The following MAPKAP1 variants were observed in gnomAD, a reference collection of about 807,000 sequenced individuals.
MAPKAP1 encodes target of rapamycin complex 2 subunit MAPKAP1.
In MAPKAP1, 20 loss-of-function variants were observed where a neutral mutation model predicts 65.7. The ratio of observed to expected loss-of-function variants is 0.30; its 90% CI spans 0.21 to 0.44. The LOEUF is 0.44. MAPKAP1 is among the 20% of genes least tolerant of loss of function. The probability of loss-of-function intolerance (pLI) is 1.00; values close to 1 mark genes in which losing one functional copy is unlikely to be tolerated. For synonymous variants in MAPKAP1, 222 were observed against 244.3 expected (o/e 0.91, Z 0.85); for missense variants, 423 against 648.0 (o/e 0.65, Z 3.77).
At chr9:125,639,172 C>T (rs905973056) in intron 4 of MAPKAP1, among the ~76,000 whole-genome samples, 5 of 152,122 alleles carry the variant, frequency 3.3e-5, no homozygotes, top group African/African-American at 4.8e-5. Flanking sequence ...ACCCAGGAGG[C>T]GGAGGCTGCA....
chr9:125,477,665 C>T (rs1854160452), intron 9 of MAPKAP1, among the ~76,000 whole-genome samples: 1 of 152,192 alleles, frequency 6.6e-6, no homozygotes, highest in African/African-American at 2.4e-5. Context: ...TGTAATTTAG[C>T]TTCTGCCAGC....
intron 4 of MAPKAP1, among the ~76,000 whole-genome samples, chr9:125,649,798 C>CAA (rs35503728): frequency 4.7e-4 from 36 of 76,168 alleles, no homozygotes; most frequent in East Asian, 3.5e-3. Flanking sequence ...AACTCCGTCT[C>CAA]AAAAAAAAAA....
At chr9:125,628,549 C>T (rs1362776201) in intron 4 of MAPKAP1, among the ~76,000 whole-genome samples, 1 of 152,138 alleles carries the variant, frequency 6.6e-6, no homozygotes, top group African/African-American at 2.4e-5. Flanking sequence ...TGAATCCTTA[C>T]ACCACAGACA....
At chr9:125,566,543 C>T (rs1352162976) in intron 5 of MAPKAP1, among the ~76,000 whole-genome samples, 3 of 150,968 alleles carry the variant, frequency 2.0e-5, no homozygotes, top group Non-Finnish European at 4.4e-5. Flanking sequence ...GCATGGGCAA[C>T]AGAGTGAGAC....
chr9:125,543,377 C>T (rs1830314471), intron 6 of MAPKAP1, among the ~76,000 whole-genome samples: 3 of 152,018 alleles, frequency 2.0e-5, no homozygotes. Context: ...CACCATTCTC[C>T]TGCCTCAGCC....
chr9:125,463,025 A>C (rs1299706369), intron 10 of MAPKAP1, among the ~76,000 whole-genome samples: 2 of 152,220 alleles, frequency 1.3e-5, no homozygotes, highest in Non-Finnish European at 2.9e-5. Context: ...GTTCAGCTCT[A>C]ATATCTCCTC....
intron 8 of MAPKAP1, among the ~76,000 whole-genome samples, chr9:125,501,917 A>G (rs372182831): frequency 6.6e-6 from 1 of 151,792 alleles, no homozygotes; most frequent in East Asian, 1.9e-4. Context: ...TGTCCATTTC[A>G]TTGGAAGTGT....
chr9:125,689,458 A>AC (rs1835096810), intron 1 of MAPKAP1, among the ~76,000 whole-genome samples: 1 of 146,180 alleles, frequency 6.8e-6, no homozygotes. Context: ...AAAAAAAAAA[A>AC]AAAACAGGCC....
At chr9:125,666,986 T>C (rs943761282) in intron 3 of MAPKAP1, among the ~76,000 whole-genome samples, 2 of 152,102 alleles carry the variant, frequency 1.3e-5, no homozygotes, top group African/African-American at 2.4e-5. Flanking sequence ...AACATACACA[T>C]TGAAGAGCTT....
intron 10 of MAPKAP1, among the ~76,000 whole-genome samples, chr9:125,452,728 C>T (rs1185251129): frequency 1.3e-5 from 2 of 151,946 alleles, no homozygotes; most frequent in African/African-American, 2.4e-5. Context: ...CCTGTCTCTA[C>T]TAAAAATACA....
rs1260599298 is a variant in MAPKAP1 at position 125,595,812 on chromosome 9, C to A, written c.499-10085G>T. On this transcript the variant is annotated intron_variant, in intron 4 of 11. Coordinates refer to ENST00000265960, the MANE Select transcript of MAPKAP1 (RefSeq NM_001006617.3). The surrounding 1 kb of genome is among the most constrained non-coding windows in gnomAD (Gnocchi z 4.0). ...CCAGACTGTGTGGTAATGAAAGATT[C>A]CAACACCAAGCGTTCCGGGGGTTTT... 2 of 1,138,118 alleles carry A rather than the reference C, an allele frequency of 1.8e-6. No individual in the cohort carries two copies. The highest frequency in any genetic ancestry group is 1.5e-5 in the African/African-American group (1 of 65,986). The allele number at this position is 1,138,118 out of a possible 1,614,324, so 70.5% of individuals were successfully genotyped here.
At chr9:125,529,919 T>C (rs2133136380) in intron 7 of MAPKAP1, among the ~76,000 whole-genome samples, 1 of 152,376 alleles carries the variant, frequency 6.6e-6, no homozygotes, top group South Asian at 2.1e-4. Flanking sequence ...TTTCTTCTTT[T>C]CTTTATAATG....
In MAPKAP1 at chr9:125,447,332, G is replaced by A. The variant is rs184519771; in HGVS notation, c.1346-2734C>T. On this transcript the variant is annotated intron_variant, in intron 10 of 11. Transcript: ENST00000265960. This position sits in a 1 kb window ranked among gnomAD's most constrained non-coding sequence, Gnocchi z 4.5. ...TCCAGTGAAAGCACTCACGCCATAG[G>A]AGAGGGGAACAGAGGGCAGAGAACG... 1.0e-3 allele frequency: 470 copies of A among 452,460 alleles called. 2 individuals carry two copies. Among genetic ancestry groups the A allele is most frequent in the African/African-American group, 7.8e-3 (393 of 50,110 alleles). 28.0% of individuals were successfully genotyped at this position (452,460 alleles called of 1,614,324 possible). A position where few individuals can be genotyped will look rare whatever the true frequency, so the allele number is the denominator to read the frequency against.
At chr9:125,611,208 C>G (rs978827844) in intron 4 of MAPKAP1, among the ~76,000 whole-genome samples, 14 of 152,186 alleles carry the variant, frequency 9.2e-5, no homozygotes, top group Admixed American at 6.5e-5. Context: ...AATAAAATTA[C>G]TACACTTTTC....
intron 3 of MAPKAP1, among the ~76,000 whole-genome samples, chr9:125,660,384 G>GCTGTACATTTAATAT (rs1448320841): frequency 6.6e-6 from 1 of 152,082 alleles, no homozygotes; most frequent in Non-Finnish European, 1.5e-5. Flanking sequence ...AAGTCACTGA[G>GCTGTACATTTAATAT]CTGTACATTT....
chr9:125,670,029 A>G (rs1441180887), intron 2 of MAPKAP1, 122 bp from the exon 3 acceptor site: 16 of 543,844 alleles, frequency 2.9e-5, no homozygotes, highest in Non-Finnish European at 3.8e-5. Context: ...AAAAAGTCAT[A>G]AAATTTTAAA....
intron 7 of MAPKAP1, among the ~76,000 whole-genome samples, chr9:125,515,538 T>A (rs1482927601): frequency 6.6e-6 from 1 of 152,222 alleles, no homozygotes; most frequent in South Asian, 2.1e-4. Context: ...GGTAGCCCCC[T>A]CTGATAACAG....
chr9:125,651,937 G>C (rs1351811513), intron 4 of MAPKAP1, among the ~76,000 whole-genome samples: 2 of 152,130 alleles, frequency 1.3e-5, no homozygotes, highest in African/African-American at 4.8e-5. Context: ...TAGAAACACA[G>C]CCAACACTAA....
At chr9:125,623,078 G>A (rs1374424578) in intron 4 of MAPKAP1, among the ~76,000 whole-genome samples, 6 of 150,524 alleles carry the variant, frequency 4.0e-5, no homozygotes, top group Admixed American at 6.6e-5. Flanking sequence ...GATTGCAGAC[G>A]GAGTCTCGTT....
Sources: gnomAD v4.1 joint callset for allele counts (sites outside exome capture counted in the v4.1 genomes callset) on GRCh38, gnomAD v4.1.1 for gene constraint, Gnocchi (gnomAD v3.1) non-coding constraint, MANE v1.5 for transcripts, NCBI Gene and HGNC (gene_info 2026-07-23, HGNC 2026-07-21) for gene names.